Variants in BSCL2 observed in about 807,000 individuals in gnomAD.
The protein encoded by BSCL2 is seipin.
A neutral mutation model predicts 57.4 loss-of-function variants in BSCL2; 41 were observed. That is an observed-to-expected ratio of 0.71 (90% CI 0.56 to 0.93). The LOEUF is 0.93. Ranked by LOEUF, BSCL2 falls within the 40% of genes least tolerant of loss-of-function variation. The pLI is 0.00. For missense variants in BSCL2, 539 were observed against 586.7 expected (o/e 0.92, Z 0.84); for synonymous variants, 237 against 227.3 (o/e 1.04, Z -0.38).
chr11:62,707,447 T>C, upstream of BSCL2: 1 of 693,606 alleles, frequency 1.4e-6, no homozygotes. Flanking sequence ...CCGCAGCCAG[T>C]ACAGACTCCA....
At chr11:62,690,755 AG>A in intron 9 of BSCL2, 31 bp downstream of exon 9, 1 of 1,613,768 alleles carries the variant, frequency 6.2e-7, no homozygotes, top group Non-Finnish European at 8.5e-7. Flanking sequence ...CCAAGGAGTC[AG>A]GAAGGAGAGA....
chr11:62,709,108 A>G (rs1051073537), upstream of BSCL2: 7 of 475,394 alleles, frequency 1.5e-5, no homozygotes, highest in East Asian at 5.5e-5. Context: ...TGCTCAGACA[A>G]TGGAGAGGGA....
In BSCL2 at chr11:62,692,663, C is replaced by T. The variant is rs774120735; in HGVS notation, c.765G>A (p.Ser255=). 20 of 1,613,876 alleles carry T rather than the reference C, an allele frequency of 1.2e-5. No homozygotes were observed. Among genetic ancestry groups the T allele is most frequent in the Admixed American group, 6.7e-5 (4 of 59,992 alleles). The part of the protein sequence containing the change: ...VELYADYREN[S]YVPTTGAIIE... The stretch of plus-strand genomic sequence containing the variant: ...CATAAAGCTCGTTCACCTCACTCAC[C>T]GAGTTCTCTCTATAGTCTGCGTAGA... The change falls in exon 5 of 11, where the codon TCG becomes TCA. Residue 255 remains serine, a splice_region_variant and synonymous_variant. Transcript: ENST00000360796.
At chr11:62,699,579 A>G (rs1456685555) in intron 3 of BSCL2, among the ~76,000 whole-genome samples, 3 of 151,818 alleles carry the variant, frequency 2.0e-5, no homozygotes, top group Admixed American at 6.6e-5. Flanking sequence ...GGTGGCTCAT[A>G]CCTGTAATCC....
Position 62,692,431 on chromosome 11 carries a change from G to A in BSCL2, c.808C>T (p.Arg270Cys), listed in dbSNP as rs751664305. The A allele has an allele frequency of 2.5e-6, 4 of 1,614,022 alleles. No homozygotes were observed. Among genetic ancestry groups the A allele is most frequent in the Middle Eastern group, 1.6e-4 (1 of 6,084 alleles). ...AGGTAGGCTCCATACAGCTGGATGCGCTTGCTGTGGATCTCAATGATCGCT... is the reference window on the plus strand; with the variant it reads ...AGGTAGGCTCCATACAGCTGGATGCACTTGCTGTGGATCTCAATGATCGCT... ...TGAIIEIHSK[R>C]IQLYGAYLRI... Residue 270 changes from arginine to cysteine, a missense_variant, in exon 6 of 11, where the codon CGC becomes TGC. By Grantham distance (180) the Arg-to-Cys change is radical. Coordinates refer to ENST00000360796, the MANE Select transcript of BSCL2 (RefSeq NM_001122955.4).
chr11:62,692,599 G>A, intron 5 of BSCL2, 64 bp downstream of exon 5: 1 of 1,612,922 alleles, frequency 6.2e-7, no homozygotes, highest in Non-Finnish European at 8.5e-7. Flanking sequence ...AGGCTTCTCA[G>A]GTAGAATCCT....
upstream of BSCL2, chr11:62,708,475 G>A: frequency 8.0e-7 from 1 of 1,254,096 alleles, no homozygotes; most frequent in Non-Finnish European, 1.2e-6. Flanking sequence ...GATAAGAGAT[G>A]CGTTCTTTCC....
At chr11:62,707,702 A>C (rs1590888018), upstream of BSCL2, 7 of 357,422 alleles carry the variant, frequency 2.0e-5, no homozygotes, top group South Asian at 1.8e-4. Flanking sequence ...TCCTTCAGGT[A>C]CCAGCCATCC....
rs2083508244 is a variant in BSCL2, at chr11:62,705,288, A to C, written c.404+13T>G. ...CATAGGAGTCCTCTATTTTGATAGA[A>C]GGCCCCTCTCACCTGTAGTAGAAAT... On this transcript the variant is annotated intron_variant, in intron 2 of 10. Transcript: ENST00000360796. The C allele has an allele frequency of 1.3e-6, 2 of 1,598,828 alleles. No individual in the cohort carries two copies. The highest frequency in any genetic ancestry group is 2.2e-5 in the South Asian group (2 of 89,272).
intron 4 of BSCL2, 21 bp downstream of exon 4, chr11:62,694,547 A>T: frequency 4.3e-6 from 7 of 1,613,772 alleles, no homozygotes; most frequent in Non-Finnish European, 5.9e-6. Context: ...ACACCTTCTC[A>T]GACAGGCCAC....
chr11:62,698,133 T>A (rs1945529453), intron 3 of BSCL2, among the ~76,000 whole-genome samples: 1 of 151,920 alleles, frequency 6.6e-6, no homozygotes, highest in Non-Finnish European at 1.5e-5. Flanking sequence ...GGTCTCCATC[T>A]CCTGACCCCG....
intron 3 of BSCL2, chr11:62,697,467 C>T (rs1343757952): frequency 6.6e-6 from 1 of 151,086 alleles, no homozygotes; most frequent in African/African-American, 2.4e-5. Flanking sequence ...CTCTAACATT[C>T]CCATGTAATA....
At chr11:62,694,804 C>G in intron 3 of BSCL2, 93 bp from the exon 4 acceptor site, 1 of 1,442,872 alleles carries the variant, frequency 6.9e-7, no homozygotes, top group Non-Finnish European at 9.5e-7. Flanking sequence ...CGCAACGCCC[C>G]CAAATACTCA....
At chr11:62,709,071 G>T, upstream of BSCL2, 7 of 494,668 alleles carry the variant, frequency 1.4e-5, no homozygotes, top group Non-Finnish European at 2.7e-5. Context: ...CTCTGCCAGC[G>T]CGTCCTGCCC....
At chr11:62,701,830 A>G (rs1237016951) in intron 3 of BSCL2, among the ~76,000 whole-genome samples, 31 of 86,726 alleles carry the variant, frequency 3.6e-4, no homozygotes, top group African/African-American at 6.7e-4. Context: ...GACTGTCTGG[A>G]AAAAAAAAAA....
Position 62,691,156 on chromosome 11 carries a change from C to T in BSCL2, c.1006-15G>A, listed in dbSNP as rs780919400. The T allele has an allele frequency of 5.0e-6, 8 of 1,614,226 alleles. No individual in the cohort carries two copies. The South Asian group carries it at 7.7e-5, about 16-fold the overall frequency. On this transcript the variant is annotated splice_polypyrimidine_tract_variant and intron_variant, in intron 7 of 10. Coordinates refer to ENST00000360796, the MANE Select transcript of BSCL2 (RefSeq NM_001122955.4). ...CGGATGTTAACCTGTGGAGGAAAAA[C>T]TACTGAGCAGCCAGGACTGACTTCC...
intron 3 of BSCL2, among the ~76,000 whole-genome samples, chr11:62,701,518 A>G (rs942776324): frequency 2.6e-5 from 4 of 152,168 alleles, no homozygotes; most frequent in African/African-American, 9.7e-5. Flanking sequence ...TGAATATCCC[A>G]TGTGATTTAT....
At chr11:62,699,898 C>G (rs969685398) in intron 3 of BSCL2, among the ~76,000 whole-genome samples, 1 of 151,154 alleles carries the variant, frequency 6.6e-6, no homozygotes, top group African/African-American at 2.4e-5. Context: ...AGGCTGGTCA[C>G]GAACTCCTGA....
chr11:62,707,002 T>C (rs1156729349), intron 1 of BSCL2, 107 bp downstream of exon 1: 2 of 1,004,910 alleles, frequency 2.0e-6, no homozygotes, highest in African/African-American at 3.3e-5. Context: ...AAGTAATCTA[T>C]TCAAAATGAA....
Sources: allele counts gnomAD v4.1 joint callset (sites outside exome capture counted in the v4.1 genomes callset), GRCh38; gene constraint gnomAD v4.1.1; transcripts MANE v1.5; gene names NCBI Gene and HGNC (gene_info 2026-07-23, HGNC 2026-07-21).